The following PDE4B variants were observed in gnomAD, a reference collection of about 807,000 sequenced individuals.
PDE4B encodes 3',5'-cyclic-AMP phosphodiesterase 4B.
PDE4B carries 20 observed loss-of-function variants against 82.2 expected under a neutral mutation model. That is an observed-to-expected ratio of 0.24 (90% confidence interval 0.17 to 0.35). PDE4B has a LOEUF of 0.35. Among genes scored for constraint, PDE4B ranks in the 10% least tolerant of loss-of-function variants. PDE4B has a pLI of 1.00. For missense variants in PDE4B, 655 were observed against 907.2 expected (o/e 0.72, Z 3.57); for synonymous variants, 320 against 318.9 (o/e 1.00, Z -0.04).
intron 1 of PDE4B, among the ~76,000 whole-genome samples, chr1:65,844,197 CA>C (rs1646241890): frequency 2.0e-5 from 3 of 152,064 alleles, no homozygotes. Context: ...GGCCAGATGG[CA>C]AAAGTCAACA....
intron 3 of PDE4B, among the ~76,000 whole-genome samples, chr1:66,036,639 G>A (rs1654078589): frequency 6.6e-6 from 1 of 152,044 alleles, no homozygotes; most frequent in Non-Finnish European, 1.5e-5. Flanking sequence ...TGATGTGTGG[G>A]TTTATTTCTG....
At chr1:66,016,135 T>C (rs1452519165) in intron 3 of PDE4B, among the ~76,000 whole-genome samples, 2 of 152,188 alleles carry the variant, frequency 1.3e-5, no homozygotes, top group Non-Finnish European at 2.9e-5. Flanking sequence ...AAATGAGATA[T>C]TTATTGCAGT....
At chr1:66,091,302 C>T (rs1250307762) in intron 3 of PDE4B, among the ~76,000 whole-genome samples, 1 of 151,966 alleles carries the variant, frequency 6.6e-6, no homozygotes, top group Non-Finnish European at 1.5e-5. Context: ...CTGTGGTTTC[C>T]TTGGTTATAT....
chr1:65,879,074 A>T (rs1280580753), intron 1 of PDE4B, among the ~76,000 whole-genome samples: 1 of 152,132 alleles, frequency 6.6e-6, no homozygotes, highest in Non-Finnish European at 1.5e-5. Flanking sequence ...AGACACAGAA[A>T]GGTCACACCC....
chr1:65,817,478 A>G (rs1441267365), intron 1 of PDE4B, among the ~76,000 whole-genome samples: 2 of 152,228 alleles, frequency 1.3e-5, no homozygotes, highest in Non-Finnish European at 2.9e-5. Context: ...ATGGGGTCCC[A>G]ACTCACTGCT....
intron 6 of PDE4B, among the ~76,000 whole-genome samples, chr1:66,261,236 A>G (rs1215761162): frequency 6.6e-6 from 1 of 152,188 alleles, no homozygotes; most frequent in Non-Finnish European, 1.5e-5. Flanking sequence ...AATGCACTCC[A>G]TTTTATTTCT....
chr1:66,057,454 A>T lies in PDE4B; in HGVS notation c.281+138619A>T, dbSNP rs143558495. Among the ~76,000 whole-genome samples, 3 of 152,328 alleles carry T rather than the reference A, an allele frequency of 2.0e-5. No homozygotes were observed. The East Asian group carries it at 5.8e-4, about 29-fold the overall frequency. ...ATGAAGACATAAACAATTTTTAAAG[A>T]ATGGAAGCCTTTTTGAGGCTAATAC... On this transcript the variant is annotated intron_variant, in intron 3 of 16. Transcript: ENST00000341517.
chr1:66,190,060 C>T (rs484058), intron 3 of PDE4B, among the ~76,000 whole-genome samples: 19,355 of 152,202 alleles, frequency 0.13, 1,433 homozygotes, highest in Non-Finnish European at 0.17. Flanking sequence ...ACAGTCAGGA[C>T]TCTCAGCTGC....
At position 65,793,254 on chromosome 1, in the gene PDE4B, G is replaced by C. The variant is rs886742347; in HGVS notation, c.-71+6G>C. On this transcript the variant is annotated splice_donor_region_variant and intron_variant, in intron 1 of 16. Transcript: ENST00000341517. ...TTCTGCGAGGGCAGCCTGAGGTAAGGGCTGCCTAGGAGGCTGCGGGTTTAT... is the reference window on the plus strand; with the variant it reads ...TTCTGCGAGGGCAGCCTGAGGTAAGCGCTGCCTAGGAGGCTGCGGGTTTAT... 2 of 152,528 alleles carry C rather than the reference G, an allele frequency of 1.3e-5. No homozygotes were observed. Among genetic ancestry groups the C allele is most frequent in the African/African-American group, 4.8e-5 (2 of 41,450 alleles). 9.4% of individuals were successfully genotyped at this position (152,528 alleles called of 1,614,324 possible). A position where few individuals can be genotyped will look rare whatever the true frequency, so the allele number is the denominator to read the frequency against.
chr1:66,359,923 G>C (rs1662615509), intron 9 of PDE4B, among the ~76,000 whole-genome samples: 12 of 152,190 alleles, frequency 7.9e-5, no homozygotes, highest in Admixed American at 7.9e-4. Context: ...CTGGAGCAAA[G>C]TAATTGCAAA....
At chr1:65,980,922 C>A (rs576131656) in intron 3 of PDE4B, among the ~76,000 whole-genome samples, 1 of 151,950 alleles carries the variant, frequency 6.6e-6, no homozygotes, top group South Asian at 2.1e-4. Context: ...TTCTAAATTA[C>A]CAAAAATAAA....
At chr1:66,043,526 C>T (rs1012945521) in intron 3 of PDE4B, among the ~76,000 whole-genome samples, 1 of 151,666 alleles carries the variant, frequency 6.6e-6, no homozygotes, top group African/African-American at 2.4e-5. Flanking sequence ...AAACCAAACC[C>T]TCTTATTGTA....
At chr1:65,906,281 T>TC (rs542898808) in intron 1 of PDE4B, among the ~76,000 whole-genome samples, 93 of 152,258 alleles carry the variant, frequency 6.1e-4, no homozygotes, top group African/African-American at 2.2e-3. Context: ...GAAAAAATTC[T>TC]CTAATCCATC....
intron 10 of PDE4B, 50 bp downstream of exon 10, chr1:66,361,843 A>AGAG: frequency 2.8e-6 from 4 of 1,451,030 alleles, no homozygotes; most frequent in South Asian, 1.2e-5. Context: ...TTTACAGCAG[A>AGAG]CGGATGACCG....
chr1:65,976,086 G>A (rs1439749393), intron 3 of PDE4B, among the ~76,000 whole-genome samples: 2 of 152,178 alleles, frequency 1.3e-5, no homozygotes, highest in African/African-American at 4.8e-5. Context: ...GCCTGGAAAA[G>A]CCTCAGGTAC....
chr1:65,829,874 G>A (rs1646062326), intron 1 of PDE4B, among the ~76,000 whole-genome samples: 1 of 152,134 alleles, frequency 6.6e-6, no homozygotes, highest in Non-Finnish European at 1.5e-5. Context: ...AAATGTAAAT[G>A]GAGAGATACA....
chr1:65,828,170 A>G (rs946842509), intron 1 of PDE4B, among the ~76,000 whole-genome samples: 7 of 142,980 alleles, frequency 4.9e-5, no homozygotes, highest in African/African-American at 1.8e-4. Context: ...ATATAGATCA[A>G]AAAATGGATC....
chr1:66,142,261 T>C (rs144703471), intron 3 of PDE4B, among the ~76,000 whole-genome samples: 1 of 152,292 alleles, frequency 6.6e-6, no homozygotes, highest in East Asian at 1.9e-4. Flanking sequence ...CTGTATGCTT[T>C]AAACCTGTAT....
chr1:66,176,830 G>A (rs934664590), intron 3 of PDE4B, among the ~76,000 whole-genome samples: 2 of 152,154 alleles, frequency 1.3e-5, no homozygotes, highest in Non-Finnish European at 2.9e-5. Context: ...TTTTCCTTAT[G>A]TAGCATAAAA....
Sources: gnomAD v4.1 joint callset for allele counts (sites outside exome capture counted in the v4.1 genomes callset) on GRCh38, gnomAD v4.1.1 for gene constraint, MANE v1.5 for transcripts, NCBI Gene and HGNC (gene_info 2026-07-23, HGNC 2026-07-21) for gene names.